The following CHCHD3 variants were observed in gnomAD, a reference collection of about 807,000 sequenced individuals.
CHCHD3 encodes MICOS complex subunit MIC19.
Under a neutral mutation model 38.2 loss-of-function variants are expected in CHCHD3, and 20 were observed. The ratio of observed to expected loss-of-function variants is 0.52; its 90% CI spans 0.37 to 0.76. CHCHD3 has a LOEUF of 0.76. Ranked by LOEUF, CHCHD3 falls within the 30% of genes least tolerant of loss-of-function variation. CHCHD3 has a pLI of 0.00. For synonymous variants in CHCHD3, 82 were observed against 100.0 expected, an observed-to-expected ratio of 0.82 and a Z score of 1.07; for missense variants, 245 against 279.2, an observed-to-expected ratio of 0.88 and a Z score of 0.87.
chr7:132,836,276 T>G (rs1160138808), intron 6 of CHCHD3, among the ~76,000 whole-genome samples: 1 of 152,072 alleles, frequency 6.6e-6, no homozygotes, highest in East Asian at 1.9e-4. Context: ...TGCACCACCA[T>G]GCCCAGCTAA....
At chr7:132,885,020 G>C (rs1039858895) in intron 5 of CHCHD3, among the ~76,000 whole-genome samples, 1 of 152,182 alleles carries the variant, frequency 6.6e-6, no homozygotes, top group African/African-American at 2.4e-5. Flanking sequence ...GGGAGGCTGA[G>C]GGAGGCAGAT....
At chr7:132,882,645 T>A (rs1809096271) in intron 5 of CHCHD3, among the ~76,000 whole-genome samples, 1 of 152,020 alleles carries the variant, frequency 6.6e-6, no homozygotes, top group Admixed American at 6.6e-5. Flanking sequence ...TTCTCAGACG[T>A]TTGTACCAAT....
At chr7:132,996,245 T>C (rs773962200) in intron 3 of CHCHD3, among the ~76,000 whole-genome samples, 1 of 152,196 alleles carries the variant, frequency 6.6e-6, no homozygotes, top group African/African-American at 2.4e-5. Context: ...TGGACCTTTA[T>C]GCAGGGCACT....
At chr7:132,882,744 C>A (rs537225624) in intron 5 of CHCHD3, among the ~76,000 whole-genome samples, 1 of 152,122 alleles carries the variant, frequency 6.6e-6, no homozygotes, top group Admixed American at 6.6e-5. Context: ...TTATAAGGTA[C>A]CTAACATAGT....
chr7:132,946,804 A>G (rs1159568938), intron 4 of CHCHD3, among the ~76,000 whole-genome samples: 4 of 151,934 alleles, frequency 2.6e-5, no homozygotes, highest in Non-Finnish European at 5.9e-5. Flanking sequence ...TGAGCGAATT[A>G]TATTACAATG....
At chr7:132,952,819 T>A (rs10248248) in intron 4 of CHCHD3, among the ~76,000 whole-genome samples, 5 of 152,030 alleles carry the variant, frequency 3.3e-5, no homozygotes, top group Non-Finnish European at 7.4e-5. Context: ...GGAGTTGGCC[T>A]CAAGGCACTA....
chr7:133,024,116 AATAATTAGTGC>A, intron 3 of CHCHD3, among the ~76,000 whole-genome samples: 1 of 152,362 alleles, frequency 6.6e-6, no homozygotes, highest in Admixed American at 6.5e-5. Flanking sequence ...TGAACAGAAT[AATAATTAGTGC>A]TATTTGTTAA....
At chr7:132,827,825 C>T (rs1807544448) in intron 6 of CHCHD3, among the ~76,000 whole-genome samples, 1 of 152,288 alleles carries the variant, frequency 6.6e-6, no homozygotes, top group South Asian at 2.1e-4. Context: ...TGTTTGAGAT[C>T]CATCCGTGCT....
chr7:132,850,439 T>G (rs1052351657), intron 5 of CHCHD3, among the ~76,000 whole-genome samples: 5 of 16,802 alleles, frequency 3.0e-4, no homozygotes, highest in Admixed American at 9.8e-4. Context: ...GAGTCTCAGG[T>G]TTTTTTTTTT....
intron 4 of CHCHD3, among the ~76,000 whole-genome samples, chr7:132,917,718 G>T (rs930937863): frequency 1.3e-5 from 2 of 151,950 alleles, no homozygotes; most frequent in Admixed American, 6.6e-5. Context: ...AATTAGCCGG[G>T]TGTGTTGGCG....
chr7:132,805,621 G>A (rs1806900512), intron 6 of CHCHD3, among the ~76,000 whole-genome samples: 1 of 152,152 alleles, frequency 6.6e-6, no homozygotes, highest in Non-Finnish European at 1.5e-5. Flanking sequence ...CTAAATGAGA[G>A]GGTGAAGTTA....
At chr7:132,973,378 C>G (rs537050122) in intron 4 of CHCHD3, 2 of 985,490 alleles carry the variant, frequency 2.0e-6, no homozygotes, top group East Asian at 2.3e-4. Context: ...GACTTTTCAA[C>G]CCACTGACCT....
At chr7:132,886,954 G>A (rs781235431) in intron 4 of CHCHD3, 22 of 1,295,578 alleles carry the variant, frequency 1.7e-5, no homozygotes, top group Non-Finnish European at 2.2e-5. Context: ...ACATTTATAG[G>A]TTATTGTTTT....
At chr7:132,853,799 C>A (rs1181875165) in intron 5 of CHCHD3, among the ~76,000 whole-genome samples, 1 of 152,082 alleles carries the variant, frequency 6.6e-6, no homozygotes, top group Non-Finnish European at 1.5e-5. Context: ...TCTCAGAAGT[C>A]TAGGATGAAT....
At chr7:132,994,121 T>C (rs1812351973) in intron 3 of CHCHD3, among the ~76,000 whole-genome samples, 1 of 152,166 alleles carries the variant, frequency 6.6e-6, no homozygotes, top group Non-Finnish European at 1.5e-5. Context: ...CACTATAGGC[T>C]ACATTTTTCT....
chr7:132,852,645 T>A (rs1413362001), intron 5 of CHCHD3, among the ~76,000 whole-genome samples: 7 of 152,200 alleles, frequency 4.6e-5, no homozygotes, highest in South Asian at 2.1e-4. Flanking sequence ...CAGCTAATTA[T>A]CAATTAACTA....
chr7:132,901,827 C>T (rs1297315471), intron 4 of CHCHD3, among the ~76,000 whole-genome samples: 4 of 152,072 alleles, frequency 2.6e-5, no homozygotes, highest in African/African-American at 4.8e-5. Context: ...TAATTAGATC[C>T]GATTTGTCAA....
At chr7:132,919,214 T>C (rs1810198167) in intron 4 of CHCHD3, among the ~76,000 whole-genome samples, 1 of 138,368 alleles carries the variant, frequency 7.2e-6, no homozygotes, top group Non-Finnish European at 1.5e-5. Flanking sequence ...GTTCACACCA[T>C]TCTCCTGCCT....
At chr7:132,886,985 T>A in intron 4 of CHCHD3, 1 of 1,299,136 alleles carries the variant, frequency 7.7e-7, no homozygotes, top group East Asian at 3.1e-5. Flanking sequence ...TTGTCTTCAA[T>A]ATCCTGCAGC....
Sources: allele counts gnomAD v4.1 joint callset (sites outside exome capture counted in the v4.1 genomes callset), GRCh38; gene constraint gnomAD v4.1.1; transcripts MANE v1.5; gene names NCBI Gene and HGNC (gene_info 2026-07-23, HGNC 2026-07-21).